SLC9A9: variants seen among roughly 807,000 people sequenced by gnomAD.
SLC9A9 encodes the protein solute carrier family 9 member A9, also known as sodium/hydrogen exchanger 9.
A neutral mutation model predicts 77.8 loss-of-function variants in SLC9A9; 62 were observed. The ratio of observed to expected loss-of-function variants is 0.80; its 90% CI spans 0.65 to 0.98. The LOEUF is 0.98. SLC9A9 is among the 50% of genes least tolerant of loss of function. The pLI, the probability that SLC9A9 is intolerant of heterozygous loss-of-function variation, is 0.00. For missense variants in SLC9A9, 775 were observed against 774.9 expected, an observed-to-expected ratio of 1.00 and a Z score of 0.00; for synonymous variants, 320 against 283.5, an observed-to-expected ratio of 1.13 and a Z score of -1.29.
In SLC9A9 at chr3:143,840,459, A is replaced by G. The variant is rs112577816; in HGVS notation, c.175+7689T>C. Among the ~76,000 whole-genome samples the G allele has an allele frequency of 3.7e-3, 567 of 152,350 alleles. 5 individuals are homozygous for G. The highest frequency in any genetic ancestry group is 0.013 in the African/African-American group (545 of 41,582). On this transcript the variant is annotated intron_variant, in intron 1 of 15. Transcript: ENST00000316549. ...TTCACAGTCCCTTCTCAAACTATTT[A>G]TAGTACCTGTCCCACCCATTGTTTC...
intron 4 of SLC9A9, among the ~76,000 whole-genome samples, chr3:143,784,524 AT>A (rs10715558): frequency 0.1 from 14,007 of 138,968 alleles, 1,130 homozygotes; most frequent in African/African-American, 0.24. Context: ...AAAATTTGTA[AT>A]TTTTTTTTTT....
intron 4 of SLC9A9, among the ~76,000 whole-genome samples, chr3:143,705,056 TAGATATATAG>T (rs1933934233): frequency 5.0e-5 from 2 of 39,790 alleles, no homozygotes; most frequent in Non-Finnish European, 1.4e-4. Flanking sequence ...GATATAGATA[TAGATATATAG>T]ATATATATAT....
chr3:143,555,747 T>C (rs1165571749), intron 8 of SLC9A9, among the ~76,000 whole-genome samples: 1 of 152,200 alleles, frequency 6.6e-6, no homozygotes, highest in Non-Finnish European at 1.5e-5. Context: ...GAGAATATTT[T>C]CCCTAGTGGC....
chr3:143,664,957 C>T (rs979840542), intron 5 of SLC9A9, among the ~76,000 whole-genome samples: 1 of 152,088 alleles, frequency 6.6e-6, no homozygotes, highest in Non-Finnish European at 1.5e-5. Flanking sequence ...ATATCCAGGA[C>T]TTGAACTCAG....
chr3:143,516,688 T>C (rs1177068847), intron 9 of SLC9A9, among the ~76,000 whole-genome samples: 1 of 152,194 alleles, frequency 6.6e-6, no homozygotes, highest in Non-Finnish European at 1.5e-5. Flanking sequence ...TCCTACCCTA[T>C]GTAAAATATT....
At chr3:143,794,157 T>G (rs1185768554) in intron 4 of SLC9A9, among the ~76,000 whole-genome samples, 1 of 152,120 alleles carries the variant, frequency 6.6e-6, no homozygotes, top group Non-Finnish European at 1.5e-5. Flanking sequence ...TGACACACAC[T>G]AGAAACTCTG....
intron 12 of SLC9A9, among the ~76,000 whole-genome samples, chr3:143,428,140 C>A (rs1422382150): frequency 6.6e-6 from 1 of 152,080 alleles, no homozygotes; most frequent in African/African-American, 2.4e-5. Context: ...GAAGAGACAA[C>A]CTAGAGACTG....
chr3:143,370,530 CTT>C (rs2033029067), intron 13 of SLC9A9, among the ~76,000 whole-genome samples: 1 of 149,778 alleles, frequency 6.7e-6, no homozygotes, highest in South Asian at 2.1e-4. Flanking sequence ...TGTGATAACT[CTT>C]TTATATACAT....
At chr3:143,775,529 G>C (rs1016871313) in intron 4 of SLC9A9, among the ~76,000 whole-genome samples, 1 of 152,190 alleles carries the variant, frequency 6.6e-6, no homozygotes, top group African/African-American at 2.4e-5. Context: ...CAGTTTAACT[G>C]TTAAAATTGT....
At chr3:143,626,110 G>C (rs1032805748) in intron 6 of SLC9A9, among the ~76,000 whole-genome samples, 20 of 152,314 alleles carry the variant, frequency 1.3e-4, no homozygotes, top group African/African-American at 4.8e-4. Context: ...AAAAAGTCAG[G>C]AAACAACAGG....
chr3:143,453,599 C>T (rs575021993), intron 12 of SLC9A9, among the ~76,000 whole-genome samples: 2 of 152,210 alleles, frequency 1.3e-5, no homozygotes, highest in African/African-American at 4.8e-5. Flanking sequence ...AAAGTGCTCT[C>T]TCTATATAAA....
At chr3:143,275,837 G>C (rs1420357031) in intron 14 of SLC9A9, among the ~76,000 whole-genome samples, 3 of 152,092 alleles carry the variant, frequency 2.0e-5, no homozygotes, top group Non-Finnish European at 4.4e-5. Context: ...TAATAGCTCT[G>C]TTATAGGAAC....
chr3:143,451,872 C>T (rs2035014215), intron 12 of SLC9A9, among the ~76,000 whole-genome samples: 1 of 151,928 alleles, frequency 6.6e-6, no homozygotes, highest in South Asian at 2.1e-4. Flanking sequence ...CAAATATATA[C>T]ATACAATTAG....
intron 4 of SLC9A9, among the ~76,000 whole-genome samples, chr3:143,759,871 C>A (rs6773316): frequency 0.34 from 51,447 of 151,582 alleles, 9,018 homozygotes; most frequent in African/African-American, 0.42. Context: ...CAATACTGTA[C>A]GCACAAGCAG....
rs367614376 is a variant in SLC9A9, at chr3:143,367,905, C to T, written c.1525-4342G>A. Among the ~76,000 whole-genome samples the T allele has an allele frequency of 4.1e-4, 62 of 152,134 alleles. 1 individual carries two copies. Among genetic ancestry groups the T allele is most frequent in the African/African-American group, 1.2e-3 (51 of 41,492 alleles). ...AAGCATAGGTGCCAGAAACTGAAGA[C>T]CAAGATTTGAGTTTAGTTACAACAT... On this transcript the variant is annotated intron_variant, in intron 13 of 15. Transcript: ENST00000316549.
chr3:143,692,597 C>A (rs1933505333), intron 5 of SLC9A9, among the ~76,000 whole-genome samples: 1 of 152,054 alleles, frequency 6.6e-6, no homozygotes, highest in Non-Finnish European at 1.5e-5. Flanking sequence ...CCACAGTAAA[C>A]ATTTTTTAAA....
chr3:143,636,592 A>G (rs1576626091), intron 6 of SLC9A9, among the ~76,000 whole-genome samples: 1 of 152,144 alleles, frequency 6.6e-6, no homozygotes, highest in East Asian at 1.9e-4. Context: ...CATTGTACCT[A>G]ATAGGTAATT....
At position 143,493,755 on chromosome 3, in the gene SLC9A9, A is replaced by G. The variant is rs1257479879; in HGVS notation, c.1213T>C (p.Phe405Leu). Residue 405 changes from phenylalanine to leucine, a missense_variant, in exon 11 of 16, where the codon TTT becomes CTT. Phe to Leu is a conservative substitution (Grantham distance 22, BLOSUM62 0). Coordinates refer to ENST00000316549, the MANE Select transcript of SLC9A9 (RefSeq NM_173653.4). ...LFILGAFLAI[F>L]VARACNIYPL... The stretch of plus-strand genomic sequence containing the variant: ...TATATGTTGCAGGCTCTGGCAACAA[A>G]AATTGCTAGCTGTAGATAAGCACAG... 1 of 1,613,328 alleles carries G rather than the reference A, an allele frequency of 6.2e-7. No homozygotes were observed. The highest frequency in any genetic ancestry group is 1.7e-5 in the Admixed American group (1 of 60,028).
intron 14 of SLC9A9, among the ~76,000 whole-genome samples, chr3:143,332,630 T>C (rs945181757): frequency 6.6e-6 from 1 of 152,232 alleles, no homozygotes; most frequent in South Asian, 2.1e-4. Flanking sequence ...TAATCCAGAA[T>C]TTAAAACAAA....
Sources: gnomAD v4.1 joint callset for allele counts (sites outside exome capture counted in the v4.1 genomes callset) on GRCh38, gnomAD v4.1.1 for gene constraint, MANE v1.5 for transcripts, NCBI Gene and HGNC (gene_info 2026-07-23, HGNC 2026-07-21) for gene names.